Variants in ZBTB1 observed in about 807,000 individuals in gnomAD.
The protein encoded by ZBTB1 is zinc finger and BTB domain containing 1.
Under a neutral mutation model 51.6 loss-of-function variants are expected in ZBTB1, and 13 were observed. That is an observed-to-expected ratio of 0.25 (90% CI 0.16 to 0.40). The LOEUF (loss-of-function observed/expected upper bound fraction) is 0.40. ZBTB1 is among the 10% of genes least tolerant of loss of function. ZBTB1 has a pLI of 1.00. For missense variants in ZBTB1, 567 were observed against 856.5 expected (o/e 0.66, Z 4.22); for synonymous variants, 240 against 282.2 (o/e 0.85, Z 1.50).
At chr14:64,519,463 A>G (rs1282754592) in intron 1 of ZBTB1, among the ~76,000 whole-genome samples, 1 of 151,156 alleles carries the variant, frequency 6.6e-6, no homozygotes, top group African/African-American at 2.4e-5. Flanking sequence ...AACAATTAAA[A>G]AAAAAAAAAA....
rs35952308 is a variant in ZBTB1 at position 64,523,982 on chromosome 14, G to GTTT, written c.*347_*349dup. 1,883 of 849,556 alleles carry GTTT rather than the reference G, an allele frequency of 2.2e-3. 1 individual carries two copies. The highest frequency in any genetic ancestry group is 8.2e-3 in the Middle Eastern group (14 of 1,712). 52.6% of individuals were successfully genotyped at this position (849,556 alleles called of 1,614,324 possible). ...GGTGATGACTTCACTATTTCTATGT[G>GTTT]TTTTTTTTTTTTTAAGGTTATCCTG... On this transcript the variant is annotated 3_prime_UTR_variant, in exon 2 of 2. Coordinates refer to ENST00000683701, the MANE Select transcript of ZBTB1 (RefSeq NM_001123329.2). The surrounding 1 kb of genome is among the most constrained non-coding windows in gnomAD (Gnocchi z 4.5).
chr14:64,531,937 T>A (rs1462778348), exon 3 of ZBTB1: 3 of 1,610,506 alleles, frequency 1.9e-6, no homozygotes, highest in Non-Finnish European at 2.5e-6. Flanking sequence ...AGAATCAATC[T>A]TCAACAGATA....
chr14:64,507,752 T>C (rs149502837), intron 1 of ZBTB1, among the ~76,000 whole-genome samples: 1 of 152,232 alleles, frequency 6.6e-6, no homozygotes, highest in African/African-American at 2.4e-5. Flanking sequence ...TTTCATACTT[T>C]GTTCATGTTA....
chr14:64,530,828 AT>A lies in ZBTB1; in HGVS notation c.1899-1031del, dbSNP rs1183545690. Among the ~76,000 whole-genome samples, 3 of 152,256 alleles carry A rather than the reference AT, an allele frequency of 2.0e-5. No individual in the cohort carries two copies. In the East Asian group the frequency reaches 5.8e-4, roughly 29 times the overall value. On this transcript the variant is annotated intron_variant, in intron 2 of 2. Coordinates refer to the ZBTB1 transcript ENST00000358738. ...GGACAGAAAGCCATTATAATTTCTC[AT>A]TATCCATCTCAATTGCTGACCAAAA...
In ZBTB1 at chr14:64,532,787, A is replaced by T. The variant is rs1188831366; in HGVS notation, c.*890A>T. 3.3e-5 allele frequency: 5 copies of T among 151,906 alleles called. No homozygotes were observed. In the East Asian group the frequency reaches 7.7e-4, roughly 23 times the overall value. 9.4% of individuals were successfully genotyped at this position (151,906 alleles called of 1,614,324 possible). The stretch of plus-strand genomic sequence containing the variant: ...AGTAAAATGATGGTTAACATGTTTT[A>T]AAAAATCTTTAATGGAGAAGTTAAA... On this transcript the variant is annotated 3_prime_UTR_variant, in exon 3 of 3. Coordinates refer to the ZBTB1 transcript ENST00000358738.
intron 1 of ZBTB1, among the ~76,000 whole-genome samples, chr14:64,516,437 TA>T (rs2140130499): frequency 6.6e-6 from 1 of 152,340 alleles, no homozygotes; most frequent in Non-Finnish European, 1.5e-5. Flanking sequence ...TAGGTCAGCC[TA>T]AAAACTGTTG....
exon 3 of ZBTB1, chr14:64,533,125 T>C (rs185722919): frequency 2.6e-5 from 4 of 152,204 alleles, no homozygotes; most frequent in South Asian, 2.1e-4. Context: ...TGCTGTAAAG[T>C]AGGATAACTT....
chr14:64,511,503 G>A lies in ZBTB1; in HGVS notation c.-19+6557G>A, dbSNP rs563673329. 4 of 152,278 alleles carry A rather than the reference G, an allele frequency of 2.6e-5. No individual in the cohort carries two copies. In the South Asian group the frequency reaches 6.2e-4, roughly 24 times the overall value. 9.4% of individuals were successfully genotyped at this position (152,278 alleles called of 1,614,324 possible). ...CCTTGGCCTGATGCAAAAGAGGAAG[G>A]AAATATGATCGCCTGTCAGCAAAAT... On this transcript the variant is annotated intron_variant, in intron 1 of 1. Transcript: ENST00000683701.
At chr14:64,518,292 G>A (rs904166705) in intron 1 of ZBTB1, 1 of 152,136 alleles carries the variant, frequency 6.6e-6, no homozygotes, top group Non-Finnish European at 1.5e-5. Context: ...GATACATACT[G>A]AACATGATTC....
At chr14:64,526,620 C>A (rs935734787), downstream of ZBTB1, among the ~76,000 whole-genome samples, 1 of 152,162 alleles carries the variant, frequency 6.6e-6, no homozygotes, top group South Asian at 2.1e-4. Flanking sequence ...TAGTACAATA[C>A]AACTTGCATG....
chr14:64,503,765 C>T, upstream of ZBTB1: 1 of 280,336 alleles, frequency 3.6e-6, no homozygotes, highest in Non-Finnish European at 5.4e-6. Flanking sequence ...CCTCGGCCGC[C>T]TCTCGCGCGG....
chr14:64,514,462 A>G (rs1157657212), intron 1 of ZBTB1: 2 of 152,192 alleles, frequency 1.3e-5, no homozygotes, highest in Non-Finnish European at 2.9e-5. Context: ...TATTCATTGG[A>G]TATGCTTATT....
chr14:64,520,662 T>C (rs1335474253), intron 1 of ZBTB1, among the ~76,000 whole-genome samples: 1 of 152,176 alleles, frequency 6.6e-6, no homozygotes, highest in East Asian at 1.9e-4. Context: ...CATCTGTAAA[T>C]ACTAAAGTAT....
intron 1 of ZBTB1, among the ~76,000 whole-genome samples, chr14:64,520,731 A>G (rs149058864): frequency 8.5e-5 from 13 of 152,346 alleles, no homozygotes; most frequent in African/African-American, 2.9e-4. Context: ...CTCACACTTA[A>G]AAAATGAGCA....
At chr14:64,507,512 G>A (rs758756726) in intron 1 of ZBTB1, among the ~76,000 whole-genome samples, 2 of 152,130 alleles carry the variant, frequency 1.3e-5, no homozygotes, top group East Asian at 1.9e-4. Flanking sequence ...TGTTTAAAAC[G>A]AGAGAAGGCA....
chr14:64,512,739 T>C (rs1596688638), intron 1 of ZBTB1, among the ~76,000 whole-genome samples: 1 of 152,304 alleles, frequency 6.6e-6, no homozygotes, highest in East Asian at 1.9e-4. Context: ...GTCACTTAAG[T>C]GCGTTGAAAT....
exon 3 of ZBTB1, chr14:64,531,955 A>T: frequency 6.3e-7 from 1 of 1,594,612 alleles, no homozygotes; most frequent in Non-Finnish European, 8.6e-7. Context: ...ATAATCTTTA[A>T]GTACAGACCC....
chr14:64,532,421 A>G (rs2079948889), exon 3 of ZBTB1: 1 of 152,476 alleles, frequency 6.6e-6, no homozygotes, highest in Admixed American at 6.5e-5. Context: ...ATGGGTACAG[A>G]GAAAAAAAAT....
chr14:64,524,165 G>A lies in ZBTB1; in HGVS notation c.*519G>A. Reference sequence around the variant, plus strand: ...TATTCTTAAATTGACAAGCTTATTAGGCAAGTTAGGTGCACTGAATCTAAC... The same window carrying A: ...TATTCTTAAATTGACAAGCTTATTAAGCAAGTTAGGTGCACTGAATCTAAC... On this transcript the variant is annotated 3_prime_UTR_variant, in exon 2 of 2. Coordinates refer to ENST00000683701, the MANE Select transcript of ZBTB1 (RefSeq NM_001123329.2). 2 of 984,908 alleles carry A rather than the reference G, an allele frequency of 2.0e-6. No individual in the cohort carries two copies. Among genetic ancestry groups the A allele is most frequent in the Non-Finnish European group, 2.4e-6 (2 of 829,810 alleles). The allele number at this position is 984,908 out of a possible 1,614,324, so 61.0% of individuals were successfully genotyped here.
Sources: allele counts gnomAD v4.1 joint callset (sites outside exome capture counted in the v4.1 genomes callset), GRCh38; gene constraint gnomAD v4.1.1; non-coding constraint Gnocchi (gnomAD v3.1); transcripts MANE v1.5; gene names NCBI Gene and HGNC (gene_info 2026-07-23, HGNC 2026-07-21).